The following AGGF1 variants were observed in gnomAD, a reference collection of about 807,000 sequenced individuals.
The protein encoded by AGGF1 is angiogenic factor with G-patch and FHA domains 1, also known as angiogenic factor with G patch and FHA domains 1.
In AGGF1, 56 loss-of-function variants were observed where a neutral mutation model predicts 86.5. That is an observed-to-expected ratio of 0.65 (90% CI 0.52 to 0.81). The LOEUF is 0.81. Ranked by LOEUF, AGGF1 falls within the 30% of genes least tolerant of loss-of-function variation. The probability of loss-of-function intolerance (pLI) is 0.00; values close to 1 mark genes in which losing one functional copy is unlikely to be tolerated. For synonymous variants in AGGF1, 313 were observed against 297.1 expected (o/e 1.05, Z -0.55); for missense variants, 816 against 850.9 (o/e 0.96, Z 0.51).
chr5:77,055,275 T>G (rs1255022211), intron 10 of AGGF1, among the ~76,000 whole-genome samples: 2 of 152,194 alleles, frequency 1.3e-5, no homozygotes, highest in Non-Finnish European at 1.5e-5. Flanking sequence ...TTGTTCATTT[T>G]GGTAGCTATA....
chr5:77,052,600 A>T, intron 8 of AGGF1, 106 bp from the exon 9 acceptor site: 1 of 754,808 alleles, frequency 1.3e-6, no homozygotes, highest in Non-Finnish European at 2.2e-6. Context: ...AGTATAATAA[A>T]ATTTAAATTA....
At chr5:77,048,749 T>G (rs1747318858) in intron 7 of AGGF1, among the ~76,000 whole-genome samples, 187 bp from the exon 8 acceptor site, 2 of 152,148 alleles carry the variant, frequency 1.3e-5, no homozygotes, top group Admixed American at 1.3e-4. Flanking sequence ...AAGACATGAG[T>G]AAATAATCAC....
chr5:77,047,803 C>A (rs1747298535), intron 6 of AGGF1, among the ~76,000 whole-genome samples: 1 of 149,648 alleles, frequency 6.7e-6, no homozygotes, highest in African/African-American at 2.5e-5. Flanking sequence ...TAGGTGTGGA[C>A]CACTGTGCCT....
intron 5 of AGGF1, among the ~76,000 whole-genome samples, chr5:77,040,985 C>T (rs1001712765): frequency 3.4e-4 from 51 of 152,200 alleles, no homozygotes; most frequent in African/African-American, 1.2e-3. Flanking sequence ...ACCTCAGCCT[C>T]CCAAAGTGCT....
chr5:77,061,740 G>GA lies in AGGF1; in HGVS notation c.1883dup (p.Lys629GlufsTer41). The GA allele has an allele frequency of 6.2e-7, 1 of 1,612,226 alleles. No individual in the cohort carries two copies. Among genetic ancestry groups the GA allele is most frequent in the Non-Finnish European group, 8.5e-7 (1 of 1,178,946 alleles). On this transcript the variant is annotated frameshift_variant, in exon 13 of 14. Transcript: ENST00000312916. LOFTEE classifies it high-confidence loss of function. ...TAGCAACAAAGGTCGGAAGATGTTG[G>GA]AGAAGATGGGTTGGAAGAAAGGAGA...
chr5:77,057,530 A>G (rs564779886), intron 11 of AGGF1, among the ~76,000 whole-genome samples: 2 of 152,342 alleles, frequency 1.3e-5, no homozygotes, highest in South Asian at 2.1e-4. Context: ...CAATTTCACT[A>G]TTCACTGGTT....
At chr5:77,038,058 T>G (rs1211718368) in intron 4 of AGGF1, among the ~76,000 whole-genome samples, 3 of 152,202 alleles carry the variant, frequency 2.0e-5, no homozygotes, top group Non-Finnish European at 2.9e-5. Flanking sequence ...TTGACGTTCA[T>G]CATTCCTGTT....
chr5:77,048,817 A>C, intron 7 of AGGF1, 119 bp from the exon 8 acceptor site: 2 of 952,352 alleles, frequency 2.1e-6, no homozygotes, highest in Non-Finnish European at 3.3e-6. Context: ...ATCCATAACC[A>C]GGAGATTTAC....
At chr5:77,057,790 C>T (rs1199870011) in intron 11 of AGGF1, among the ~76,000 whole-genome samples, 2 of 152,182 alleles carry the variant, frequency 1.3e-5, no homozygotes, top group East Asian at 3.9e-4. Flanking sequence ...TTATTTGACG[C>T]ACTGGGCTAA....
chr5:77,040,051 A>G (rs1747041818), intron 5 of AGGF1, among the ~76,000 whole-genome samples: 1 of 152,150 alleles, frequency 6.6e-6, no homozygotes, highest in Non-Finnish European at 1.5e-5. Context: ...ATAGGTAGAC[A>G]TAGATACAGG....
Position 77,039,652 on chromosome 5 carries a change from A to G in AGGF1, c.803A>G (p.Gln268Arg). 1 of 1,612,716 alleles carries G rather than the reference A, an allele frequency of 6.2e-7. No individual in the cohort carries two copies. The highest frequency in any genetic ancestry group is 8.5e-7 in the Non-Finnish European group (1 of 1,179,488). The change falls in exon 5 of 14, where the codon CAA (glutamine) becomes CGA (arginine). Residue 268 changes from glutamine (Q) to arginine (R), a missense_variant. Gln to Arg is a conservative substitution (Grantham distance 43, BLOSUM62 1). This residue lies in a region of AGGF1 where 565 missense variants were observed against 585.8 expected (regional missense o/e 0.96). Transcript: ENST00000312916. ...CCTTATCCGACTTCTAGCACAAAAC[A>G]AAGTAAAGATAAAAAATTGAAGAAG... Reference protein sequence around the residue: ...LQPYPTSSTKQSKDKKLKKKR... With the variant: ...LQPYPTSSTKRSKDKKLKKKR...
At chr5:77,041,143 A>G (rs750244646) in intron 5 of AGGF1, among the ~76,000 whole-genome samples, 11 of 152,154 alleles carry the variant, frequency 7.2e-5, no homozygotes, top group Non-Finnish European at 1.5e-4. Context: ...CTTCTGTTCT[A>G]TTTTTTTGTG....
chr5:77,055,865 T>A (rs1747448467), intron 11 of AGGF1, among the ~76,000 whole-genome samples: 1 of 152,180 alleles, frequency 6.6e-6, no homozygotes, highest in Non-Finnish European at 1.5e-5. Flanking sequence ...TGATAGTGTC[T>A]GTAGTTTGTA....
At chr5:77,031,014 C>T (rs766453227) in intron 1 of AGGF1, 38 bp downstream of exon 1, 2 of 1,607,106 alleles carry the variant, frequency 1.2e-6, no homozygotes, top group South Asian at 2.2e-5. Flanking sequence ...CCATCCAGCC[C>T]AGGCGAGGCC....
At chr5:77,041,097 TTC>T (rs1747069180) in intron 5 of AGGF1, among the ~76,000 whole-genome samples, 1 of 134,898 alleles carries the variant, frequency 7.4e-6, no homozygotes, top group African/African-American at 2.6e-5. Flanking sequence ...GGAATTAGGA[TTC>T]TGTTAGATTT....
At chr5:77,033,999 A>T (rs922274670) in intron 1 of AGGF1, among the ~76,000 whole-genome samples, 8 of 152,254 alleles carry the variant, frequency 5.3e-5, no homozygotes, top group African/African-American at 1.9e-4. Context: ...TAAAGCTTGT[A>T]AGTGGCATTA....
In AGGF1 at chr5:77,031,564, G is replaced by C. The variant is rs540664447; in HGVS notation, c.210+588G>C. 1.2e-4 allele frequency among the ~76,000 whole-genome samples: 18 copies of C among 152,282 alleles called. No individual in the cohort carries two copies. The South Asian group carries it at 3.7e-3, about 32-fold the overall frequency. On this transcript the variant is annotated intron_variant, in intron 1 of 13. Transcript: ENST00000312916. ...AAGCAGCTTATTTCGTTTCCAAGAT[G>C]GTAGGGGCAAATGTTAATACTTAAA...
Position 77,034,563 on chromosome 5 carries a change from A to G in AGGF1, c.313+43A>G, listed in dbSNP as rs374913387. 1.1e-5 allele frequency: 14 copies of G among 1,281,528 alleles called. No individual in the cohort carries two copies. In the African/African-American group the frequency reaches 2.1e-4, roughly 19 times the overall value. The allele number at this position is 1,281,528 out of a possible 1,614,324, so 79.4% of individuals were successfully genotyped here. ...AGGATATGCTAACACTGTTACATTCAAATCATGCTAATGTTGCGTTTTCTT... is the reference window on the plus strand; with the variant it reads ...AGGATATGCTAACACTGTTACATTCGAATCATGCTAATGTTGCGTTTTCTT... On this transcript the variant is annotated intron_variant, in intron 2 of 13. Transcript: ENST00000312916.
chr5:77,064,174 A>G lies in AGGF1; in HGVS notation c.*922A>G, dbSNP rs1183404831. 6.6e-6 allele frequency: 1 copy of G among 152,650 alleles called. No individual in the cohort carries two copies. Among genetic ancestry groups the G allele is most frequent in the African/African-American group, 2.4e-5 (1 of 41,458 alleles). 9.5% of individuals were successfully genotyped at this position (152,650 alleles called of 1,614,324 possible). ...AAGCAGCCAGAATTTTCTAGTTTAA[A>G]TTGGCAGAGTTATAACAAAGGAGAG... On this transcript the variant is annotated 3_prime_UTR_variant, in exon 14 of 14. Coordinates refer to ENST00000312916, the MANE Select transcript of AGGF1 (RefSeq NM_018046.5).
Sources: allele counts gnomAD v4.1 joint callset (sites outside exome capture counted in the v4.1 genomes callset), GRCh38; gene constraint gnomAD v4.1.1; regional missense constraint gnomAD v4.1.1; transcripts MANE v1.5; gene names NCBI Gene and HGNC (gene_info 2026-07-23, HGNC 2026-07-21).